CSMD3: variants seen among roughly 807,000 people sequenced by gnomAD.
The protein encoded by CSMD3 is CUB and Sushi multiple domains 3, also known as CUB and sushi domain-containing protein 3.
Under a neutral mutation model 435.2 loss-of-function variants are expected in CSMD3, and 177 were observed. The observed-to-expected ratio is 0.41, with a 90% confidence interval of 0.36 to 0.46. The LOEUF is 0.46. Ranked by LOEUF, CSMD3 falls within the 20% of genes least tolerant of loss-of-function variation. The pLI, the probability that CSMD3 is intolerant of heterozygous loss-of-function variation, is 0.34. For missense variants in CSMD3, 4,265 were observed against 4,504.6 expected, an observed-to-expected ratio of 0.95 and a Z score of 1.52; for synonymous variants, 1,656 against 1,520.5, an observed-to-expected ratio of 1.09 and a Z score of -2.07.
At chr8:113,096,766 C>T (rs2090175110) in intron 5 of CSMD3, among the ~76,000 whole-genome samples, 1 of 152,044 alleles carries the variant, frequency 6.6e-6, no homozygotes, top group South Asian at 2.1e-4. Flanking sequence ...AAGGCCCACT[C>T]TGCTTTAAGT....
chr8:113,192,335 T>A (rs1189957770), intron 3 of CSMD3, among the ~76,000 whole-genome samples: 1 of 151,488 alleles, frequency 6.6e-6, no homozygotes, highest in Non-Finnish European at 1.5e-5. Context: ...TATTTGACAA[T>A]GAAGGCATTA....
intron 9 of CSMD3, among the ~76,000 whole-genome samples, chr8:112,929,058 ATG>A (rs2130692197): frequency 6.7e-6 from 1 of 149,156 alleles, no homozygotes; most frequent in East Asian, 2.0e-4. Context: ...GCATTTTCTC[ATG>A]TGTTTTTTGG....
intron 23 of CSMD3, among the ~76,000 whole-genome samples, chr8:112,576,259 C>A (rs1354950249): frequency 6.6e-6 from 1 of 151,868 alleles, no homozygotes; most frequent in Admixed American, 6.6e-5. Context: ...TTTAAAAAAT[C>A]TTCAGGAGTA....
At chr8:113,409,885 GA>G (rs35823928) in intron 1 of CSMD3, among the ~76,000 whole-genome samples, 69,650 of 145,612 alleles carry the variant, frequency 0.48, 16,391 homozygotes, top group Middle Eastern at 0.57. Flanking sequence ...CAGCTTTGTA[GA>G]AAAAAAAAAA....
intron 10 of CSMD3, among the ~76,000 whole-genome samples, chr8:112,871,713 C>G (rs945415926): frequency 6.6e-6 from 1 of 152,018 alleles, no homozygotes; most frequent in African/African-American, 2.4e-5. Context: ...AGTCTTTCTA[C>G]ACAATATTTG....
chr8:113,260,110 C>T (rs564412651), intron 3 of CSMD3, among the ~76,000 whole-genome samples: 44 of 152,242 alleles, frequency 2.9e-4, no homozygotes, highest in Admixed American at 2.1e-3. Flanking sequence ...CCCTCCCTAG[C>T]CCTGTGGAAC....
intron 17 of CSMD3, among the ~76,000 whole-genome samples, chr8:112,660,182 G>T (rs1450502139): frequency 6.6e-6 from 1 of 152,010 alleles, no homozygotes; most frequent in Non-Finnish European, 1.5e-5. Flanking sequence ...AAGAGAATTA[G>T]ATATTTTCAA....
chr8:113,209,823 G>A (rs2092811684), intron 3 of CSMD3, among the ~76,000 whole-genome samples: 1 of 152,044 alleles, frequency 6.6e-6, no homozygotes, highest in Admixed American at 6.6e-5. Flanking sequence ...AAATGAGTTT[G>A]TGTACAGAAT....
intron 20 of CSMD3, among the ~76,000 whole-genome samples, chr8:112,641,067 G>C (rs2074811462): frequency 6.6e-6 from 1 of 152,080 alleles, no homozygotes; most frequent in Non-Finnish European, 1.5e-5. Flanking sequence ...GGTTCTAATA[G>C]AGTTGTTTTG....
At chr8:112,994,211 G>T (rs1249594389) in intron 6 of CSMD3, among the ~76,000 whole-genome samples, 1 of 151,704 alleles carries the variant, frequency 6.6e-6, no homozygotes, top group Non-Finnish European at 1.5e-5. Context: ...GTGCAATTGT[G>T]CTTGTTACAC....
chr8:113,247,336 A>G (rs1009614461), intron 3 of CSMD3, among the ~76,000 whole-genome samples: 1 of 152,164 alleles, frequency 6.6e-6, no homozygotes, highest in Non-Finnish European at 1.5e-5. Context: ...TAAAATAGTG[A>G]CAATTCTCTG....
At chr8:112,983,262 T>C (rs1194873061) in intron 6 of CSMD3, among the ~76,000 whole-genome samples, 1 of 151,920 alleles carries the variant, frequency 6.6e-6, no homozygotes, top group African/African-American at 2.4e-5. Context: ...CTTCACTACC[T>C]GAATGTATCT....
At chr8:113,041,670 TTTA>T (rs1437760218) in intron 5 of CSMD3, among the ~76,000 whole-genome samples, 9 of 152,228 alleles carry the variant, frequency 5.9e-5, no homozygotes, top group East Asian at 1.9e-4. Flanking sequence ...TTTTCCCCAC[TTTA>T]TTGTCTTCCT....
intron 3 of CSMD3, among the ~76,000 whole-genome samples, chr8:113,177,980 T>A (rs1183704425): frequency 6.6e-6 from 1 of 151,970 alleles, no homozygotes; most frequent in Non-Finnish European, 1.5e-5. Flanking sequence ...CACTCTTCTC[T>A]ATTAGTTGAA....
At chr8:112,492,775 T>A (rs1820826932) in intron 30 of CSMD3, 92 bp from the exon 31 acceptor site, 3 of 1,037,386 alleles carry the variant, frequency 2.9e-6, no homozygotes, top group Non-Finnish European at 4.5e-6. Context: ...TTCAGCCAAC[T>A]GCAGATTGAA....
chr8:112,230,524 C>T (rs527290083), intron 69 of CSMD3, among the ~76,000 whole-genome samples: 6 of 152,252 alleles, frequency 3.9e-5, no homozygotes, highest in African/African-American at 1.4e-4. Flanking sequence ...CATGGTGGCT[C>T]ACACCTGTAA....
intron 11 of CSMD3, among the ~76,000 whole-genome samples, chr8:112,832,765 C>G (rs1244555737): frequency 6.6e-6 from 1 of 152,158 alleles, no homozygotes; most frequent in African/African-American, 2.4e-5. Context: ...GACTCCTTTC[C>G]TGTGGAAACT....
chr8:113,317,744 G>A (rs185945413), intron 1 of CSMD3, among the ~76,000 whole-genome samples: 69 of 151,932 alleles, frequency 4.5e-4, no homozygotes, highest in African/African-American at 1.5e-3. Context: ...TTTTAATAGC[G>A]CAGTGTTTTT....
At chr8:112,664,296 T>A (rs971281036) in intron 17 of CSMD3, among the ~76,000 whole-genome samples, 2 of 152,126 alleles carry the variant, frequency 1.3e-5, no homozygotes, top group African/African-American at 4.8e-5. Flanking sequence ...TTGTTCCAAA[T>A]CAATACATAT....
Sources: allele counts gnomAD v4.1 joint callset (sites outside exome capture counted in the v4.1 genomes callset), GRCh38; gene constraint gnomAD v4.1.1; transcripts MANE v1.5; gene names NCBI Gene and HGNC (gene_info 2026-07-23, HGNC 2026-07-21).